AKAP13: variants seen among roughly 807,000 people sequenced by gnomAD.
AKAP13 encodes the protein A-kinase anchoring protein 13, also known as A-kinase anchor protein 13.
Under a neutral mutation model 264.5 loss-of-function variants are expected in AKAP13, and 80 were observed. The observed-to-expected ratio is 0.30, with a 90% CI of 0.25 to 0.36. The LOEUF is 0.36. Ranked by LOEUF, AKAP13 falls within the 10% of genes least tolerant of loss-of-function variation. The pLI, the probability that AKAP13 is intolerant of heterozygous loss-of-function variation, is 1.00. For missense variants in AKAP13, 3,712 were observed against 3,435.2 expected, an observed-to-expected ratio of 1.08 and a Z score of -2.01; for synonymous variants, 1,380 against 1,250.2, an observed-to-expected ratio of 1.10 and a Z score of -2.19.
chr15:85,394,188 C>G (rs2071003931), intron 1 of AKAP13, among the ~76,000 whole-genome samples: 1 of 152,186 alleles, frequency 6.6e-6, no homozygotes. Flanking sequence ...AAGGAGTAAG[C>G]AAGCCCTCAG....
intron 1 of AKAP13, among the ~76,000 whole-genome samples, chr15:85,414,934 T>TG (rs34584290): frequency 0.25 from 38,097 of 152,118 alleles, 6,356 homozygotes; most frequent in Middle Eastern, 0.37. Flanking sequence ...TATATGCAAT[T>TG]GGTGCTTTAG....
intron 1 of AKAP13, among the ~76,000 whole-genome samples, chr15:85,386,590 G>A (rs998745140): frequency 3.3e-5 from 5 of 152,004 alleles, no homozygotes; most frequent in African/African-American, 1.2e-4. Context: ...TGCCCGGCTC[G>A]CCTAGAAGTT....
At chr15:85,460,338 C>A (rs1003939304) in intron 1 of AKAP13, among the ~76,000 whole-genome samples, 3 of 152,302 alleles carry the variant, frequency 2.0e-5, no homozygotes, top group Middle Eastern at 3.4e-3. Flanking sequence ...GTACACAGCC[C>A]CCGATACAGC....
chr15:85,494,550 A>T (rs1251133406), intron 2 of AKAP13, among the ~76,000 whole-genome samples: 1 of 152,220 alleles, frequency 6.6e-6, no homozygotes, highest in African/African-American at 2.4e-5. Flanking sequence ...ACTCAGTTCT[A>T]CATGTAGGAA....
chr15:85,447,189 C>A (rs989938062), intron 1 of AKAP13, among the ~76,000 whole-genome samples: 1 of 152,082 alleles, frequency 6.6e-6, no homozygotes, highest in Non-Finnish European at 1.5e-5. Context: ...ATCTCTTGAA[C>A]CGGGGAGGTG....
In AKAP13 at chr15:85,577,716, A is replaced by T. The variant is rs183430868; in HGVS notation, c.862-1214A>T. 6.4e-5 allele frequency: 51 copies of T among 790,994 alleles called. No individual in the cohort carries two copies. In the East Asian group the frequency reaches 4.5e-3, roughly 70 times the overall value. 49.0% of individuals were successfully genotyped at this position (790,994 alleles called of 1,614,324 possible). On this transcript the variant is annotated intron_variant, in intron 6 of 36. Coordinates refer to ENST00000394518, the MANE Select transcript of AKAP13 (RefSeq NM_007200.5). ...ATATACTCTGACAGTATATAGGTAT[A>T]TGTTCTCATTTATTTTATATTTAAT...
In AKAP13 at chr15:85,403,847, C is replaced by CAA. The variant is rs11342591; in HGVS notation, c.-12+23066_-12+23067dup. ...TGGGCAACAAGAGCAAAACTCCTCT[C>CAA]AAAAAAAAAAAAAAAAAATCTGACG... On this transcript the variant is annotated intron_variant, in intron 1 of 36. Coordinates refer to ENST00000394518, the MANE Select transcript of AKAP13 (RefSeq NM_007200.5). Among the ~76,000 whole-genome samples, 452 of 128,276 alleles carry CAA rather than the reference C, an allele frequency of 3.5e-3. 1 individual carries two copies. Among genetic ancestry groups the CAA allele is most frequent in the Non-Finnish European group, 5.9e-3 (351 of 59,888 alleles). 84.2% of individuals were successfully genotyped at this position (128,276 alleles called of 152,430 possible). A position where few individuals can be genotyped will look rare whatever the true frequency, so the allele number is the denominator to read the frequency against.
At position 85,655,764 on chromosome 15, in the gene AKAP13, C is replaced by G. The variant is rs201511713; in HGVS notation, c.4722C>G (p.Ser1574Arg). 5 of 1,610,108 alleles carry G rather than the reference C, an allele frequency of 3.1e-6. No individual in the cohort carries two copies. Among genetic ancestry groups the G allele is most frequent in the South Asian group, 1.1e-5 (1 of 90,994 alleles). The change falls in exon 11 of 37, where the codon AGC becomes AGG. Residue 1574 changes from serine (S) to arginine (R), a missense_variant. Coordinates refer to ENST00000394518, the MANE Select transcript of AKAP13 (RefSeq NM_007200.5). ...HSWGPGKNAA[S>R]DAEMNHRSSM... ...GGGGGCCTGGGAAAAATGCAGCCAG[C>G]GATGCAGAAATGAACCACCGGAGGT...
Position 85,581,424 on chromosome 15 carries a change from A to C in AKAP13, c.3356A>C (p.Asn1119Thr), listed in dbSNP as rs1276301834. 7 of 1,614,072 alleles carry C rather than the reference A, an allele frequency of 4.3e-6. No individual in the cohort carries two copies. Among genetic ancestry groups the C allele is most frequent in the Non-Finnish European group, 5.9e-6 (7 of 1,180,028 alleles). ...SHNTQDILIP[N>T]VLLSQEKNAV... ...AACACCCAAGACATCCTGATTCCAAACGTCTTGTTGAGCCAAGAGAAGAAT... is the reference window on the plus strand; with the variant it reads ...AACACCCAAGACATCCTGATTCCAACCGTCTTGTTGAGCCAAGAGAAGAAT... The change falls in exon 7 of 37, where the codon AAC becomes ACC. Residue 1119 changes from asparagine to threonine, a missense_variant. Physicochemically the swap from Asn to Thr is moderately conservative, Grantham distance 65. Transcript: ENST00000394518.
At chr15:85,576,518 C>G (rs1371907080) in intron 6 of AKAP13, among the ~76,000 whole-genome samples, 1 of 137,690 alleles carries the variant, frequency 7.3e-6, no homozygotes, top group Non-Finnish European at 1.5e-5. Context: ...GTGTACATCT[C>G]TCTTGGGCAT....
At chr15:85,740,320 G>A in intron 34 of AKAP13, 48 bp downstream of exon 34, 1 of 1,599,682 alleles carries the variant, frequency 6.3e-7, no homozygotes, top group Admixed American at 1.7e-5. Flanking sequence ...CTAGAGAACA[G>A]CAGCTTGGGG....
At chr15:85,517,820 A>T (rs557128319) in intron 2 of AKAP13, among the ~76,000 whole-genome samples, 1 of 152,338 alleles carries the variant, frequency 6.6e-6, no homozygotes, top group South Asian at 2.1e-4. Context: ...ATCTGTCAGC[A>T]AAACTAATTA....
intron 8 of AKAP13, chr15:85,619,595 A>T (rs2081084583): frequency 1.0e-6 from 1 of 985,410 alleles, no homozygotes; most frequent in African/African-American, 1.7e-5. Context: ...TTTTCATGCC[A>T]TCGCTTTGAA....
chr15:85,524,376 A>G lies in AKAP13; in HGVS notation c.181+2801A>G, dbSNP rs189853496. ...TTTTTAGTAGAGATGGGGTTTCACCATGTTGGCCAGGCTGGTCTTGAACTC... is the reference window on the plus strand; with the variant it reads ...TTTTTAGTAGAGATGGGGTTTCACCGTGTTGGCCAGGCTGGTCTTGAACTC... On this transcript the variant is annotated intron_variant, in intron 3 of 36. Coordinates refer to ENST00000394518, the MANE Select transcript of AKAP13 (RefSeq NM_007200.5). 2.5e-3 allele frequency among the ~76,000 whole-genome samples: 387 copies of G among 151,796 alleles called. 1 individual carries two copies. Among genetic ancestry groups the G allele is most frequent in the Non-Finnish European group, 4.9e-3 (333 of 67,918 alleles).
intron 5 of AKAP13, among the ~76,000 whole-genome samples, chr15:85,563,326 C>CTTG (rs1555444986): frequency 1.2e-5 from 1 of 83,320 alleles, no homozygotes; most frequent in Non-Finnish European, 2.5e-5. Flanking sequence ...GTAGAATGTG[C>CTTG]TTGTTTTTTT....
At chr15:85,577,854 T>G in intron 6 of AKAP13, 4 of 983,640 alleles carry the variant, frequency 4.1e-6, no homozygotes, top group Non-Finnish European at 4.8e-6. Context: ...TTTTGGGGAT[T>G]AAAGGACACT....
At chr15:85,412,926 C>G (rs2072050861) in intron 1 of AKAP13, among the ~76,000 whole-genome samples, 1 of 152,174 alleles carries the variant, frequency 6.6e-6, no homozygotes, top group Non-Finnish European at 1.5e-5. Flanking sequence ...GTATATATTA[C>G]CTTAGTTTTA....
At chr15:85,714,776 G>C (rs2086826632) in intron 19 of AKAP13, among the ~76,000 whole-genome samples, 1 of 152,128 alleles carries the variant, frequency 6.6e-6, no homozygotes, top group Non-Finnish European at 1.5e-5. Flanking sequence ...AGACCAGTCT[G>C]GCCAACGTAG....
Position 85,735,542 on chromosome 15 carries a change from AC to A in AKAP13, c.7442-15del, listed in dbSNP as rs1567221722. 6 of 1,598,744 alleles carry A rather than the reference AC, an allele frequency of 3.8e-6. No homozygotes were observed. Among genetic ancestry groups the A allele is most frequent in the Non-Finnish European group, 5.1e-6 (6 of 1,175,022 alleles). On this transcript the variant is annotated splice_polypyrimidine_tract_variant and intron_variant, in intron 31 of 36. Coordinates refer to ENST00000394518, the MANE Select transcript of AKAP13 (RefSeq NM_007200.5). ...TTTCACAACTTTAAAAAAAAAAACAACCCTATTTTTTGTTTAGGAGGCGAGA... is the reference window on the plus strand; with the variant it reads ...TTTCACAACTTTAAAAAAAAAAACAACCTATTTTTTGTTTAGGAGGCGAGA...
Sources: gnomAD v4.1 joint callset for allele counts (sites outside exome capture counted in the v4.1 genomes callset) on GRCh38, gnomAD v4.1.1 for gene constraint, MANE v1.5 for transcripts, NCBI Gene and HGNC (gene_info 2026-07-23, HGNC 2026-07-21) for gene names.